Variants in CHRDL1 observed in about 807,000 individuals in gnomAD.
CHRDL1 encodes chordin like 1.
A neutral mutation model predicts 40.9 loss-of-function variants in CHRDL1; 19 were observed. That is an observed-to-expected ratio of 0.46 (90% CI 0.32 to 0.68). The LOEUF (loss-of-function observed/expected upper bound fraction) is 0.68, where lower values mean the gene tolerates loss of function less well. Ranked by LOEUF, CHRDL1 falls within the 30% of genes least tolerant of loss-of-function variation. The pLI, the probability that CHRDL1 is intolerant of heterozygous loss-of-function variation, is 0.03. For synonymous variants in CHRDL1, 136 were observed against 123.4 expected, an observed-to-expected ratio of 1.10 and a Z score of -0.68; for missense variants, 329 against 352.1, an observed-to-expected ratio of 0.93 and a Z score of 0.53.
intron 1 of CHRDL1, 147 bp from the exon 2 acceptor site, chrX:110,792,362 T>C (rs1007306301): frequency 1.6e-5 from 6 of 365,263 alleles, no homozygotes; most frequent in African/African-American, 2.7e-5. Context: ...CTGCACAAGA[T>C]AAAGGACTTG....
chrX:110,677,662 T>C (rs1484407643), intron 11 of CHRDL1, among the ~76,000 whole-genome samples: 1 of 111,759 alleles, frequency 8.9e-6, no homozygotes, highest in Non-Finnish European at 1.9e-5. Flanking sequence ...ACTCCCAACT[T>C]TTCCATTTGA....
At chrX:110,752,976 G>T (rs2089386602) in intron 4 of CHRDL1, among the ~76,000 whole-genome samples, 1 of 110,534 alleles carries the variant, frequency 9.0e-6, no homozygotes, top group Non-Finnish European at 1.9e-5. Flanking sequence ...AAAGAAGATG[G>T]GGCAACCTTA....
intron 6 of CHRDL1, among the ~76,000 whole-genome samples, chrX:110,705,304 T>TATATATATATACACACAC (rs1491498596): frequency 2.2e-4 from 17 of 77,615 alleles, no homozygotes; most frequent in African/African-American, 9.6e-4. Flanking sequence ...TATATATATA[T>TATATATATATACACACAC]ACACACACAC....
intron 4 of CHRDL1, among the ~76,000 whole-genome samples, chrX:110,730,231 TGTAGA>T (rs1273876117): frequency 8.9e-6 from 1 of 112,319 alleles, no homozygotes; most frequent in African/African-American, 3.2e-5. Context: ...TTCACAGCCC[TGTAGA>T]ACTTCTCAAA....
At position 110,697,121 on chromosome X, in the gene CHRDL1, C is replaced by A. The variant is rs193136933; in HGVS notation, c.610-2790G>T. 1.1e-3 allele frequency among the ~76,000 whole-genome samples: 117 copies of A among 111,110 alleles called. 3 individuals carry two copies. The highest frequency in any genetic ancestry group is 3.5e-3 in the African/African-American group (105 of 30,369). On this transcript the variant is annotated intron_variant, in intron 7 of 11. Transcript: ENST00000372042. The stretch of plus-strand genomic sequence containing the variant: ...TTAGAAATGACCATATAGCTATGAT[C>A]TTTTATTTTGCTCAGTATTTTGGTA...
At chrX:110,728,866 T>A (rs2071105048) in intron 4 of CHRDL1, among the ~76,000 whole-genome samples, 1 of 112,031 alleles carries the variant, frequency 8.9e-6, no homozygotes, top group Non-Finnish European at 1.9e-5. Flanking sequence ...CTGGGCACAG[T>A]GGCTCACACC....
rs2089247506 is a variant in CHRDL1 at position 110,746,194 on chromosome X, C to A, written c.301+13467G>T. ...GGCTCATTTCCCTGATCCCAGTGGT[C>A]TGAGAGGCCCCCTGCAGTACGGACA... On this transcript the variant is annotated intron_variant, in intron 4 of 11. Transcript: ENST00000372042. Among the ~76,000 whole-genome samples the A allele has an allele frequency of 2.7e-5, 3 of 111,168 alleles. No individual in the cohort carries two copies. In the South Asian group the frequency reaches 1.2e-3, roughly 43 times the overall value.
intron 6 of CHRDL1, among the ~76,000 whole-genome samples, chrX:110,704,141 G>T (rs1012806730): frequency 1.3e-4 from 14 of 111,136 alleles, no homozygotes; most frequent in African/African-American, 4.3e-4. Context: ...TGGATCATTT[G>T]TAACTTAAAA....
chrX:110,793,006 T>C (rs1423552903), intron 1 of CHRDL1, among the ~76,000 whole-genome samples: 1 of 112,341 alleles, frequency 8.9e-6, no homozygotes, highest in Non-Finnish European at 1.9e-5. Flanking sequence ...GGGGTAGAAA[T>C]CTTAAACCTT....
intron 4 of CHRDL1, among the ~76,000 whole-genome samples, chrX:110,735,027 A>AT (rs11463780): frequency 0.11 from 12,041 of 109,811 alleles, 1,676 homozygotes; most frequent in African/African-American, 0.38. Context: ...TGAGAACTAG[A>AT]TTTTTTTTTG....
At chrX:110,788,691 G>A (rs2090053134) in intron 2 of CHRDL1, among the ~76,000 whole-genome samples, 1 of 111,673 alleles carries the variant, frequency 9.0e-6, no homozygotes, top group Non-Finnish European at 1.9e-5. Flanking sequence ...TAAAAATATG[G>A]GAAATAAGAT....
At chrX:110,747,101 A>C (rs2089268440) in intron 4 of CHRDL1, among the ~76,000 whole-genome samples, 1 of 110,299 alleles carries the variant, frequency 9.1e-6, no homozygotes, top group Admixed American at 9.7e-5. Context: ...GAAGGCAGGC[A>C]TACTCCACAG....
At chrX:110,720,099 C>T (rs1460604314) in intron 5 of CHRDL1, among the ~76,000 whole-genome samples, 171 bp from the exon 6 acceptor site, 1 of 110,723 alleles carries the variant, frequency 9.0e-6, no homozygotes, top group Admixed American at 9.6e-5. Flanking sequence ...TTTTTTTTCT[C>T]CTACAATTCC....
chrX:110,774,121 G>A (rs1242985280), intron 2 of CHRDL1, among the ~76,000 whole-genome samples: 2 of 111,323 alleles, frequency 1.8e-5, no homozygotes, highest in African/African-American at 3.3e-5. Flanking sequence ...AATATGTAAT[G>A]CCCCCCATTT....
intron 4 of CHRDL1, among the ~76,000 whole-genome samples, chrX:110,756,207 G>A (rs2089449778): frequency 8.9e-6 from 1 of 111,904 alleles, no homozygotes; most frequent in Non-Finnish European, 1.9e-5. Flanking sequence ...AATAAAACGT[G>A]AAAACTGCAA....
intron 6 of CHRDL1, among the ~76,000 whole-genome samples, chrX:110,719,140 T>C (rs150127577): frequency 9.9e-5 from 11 of 111,232 alleles, no homozygotes; most frequent in African/African-American, 3.6e-4. Flanking sequence ...AATAAGGATA[T>C]TGCCAGTGGG....
At chrX:110,768,849 T>C (rs1403224037) in intron 2 of CHRDL1, among the ~76,000 whole-genome samples, 2 of 111,079 alleles carry the variant, frequency 1.8e-5, no homozygotes. Flanking sequence ...CACCTTGTGA[T>C]CGTGTGAGTC....
intron 2 of CHRDL1, among the ~76,000 whole-genome samples, chrX:110,773,818 G>A (rs938013091): frequency 1.8e-5 from 2 of 109,643 alleles, no homozygotes; most frequent in Non-Finnish European, 3.8e-5. Context: ...CTATTTTGGC[G>A]AATGTTCCAT....
chrX:110,777,143 T>C (rs1230069449), intron 2 of CHRDL1, among the ~76,000 whole-genome samples: 1 of 111,448 alleles, frequency 9.0e-6, no homozygotes, highest in African/African-American at 3.3e-5. Flanking sequence ...AATATGCATT[T>C]ACATTTCCTC....
Sources: allele counts gnomAD v4.1 joint callset (sites outside exome capture counted in the v4.1 genomes callset), GRCh38; gene constraint gnomAD v4.1.1; transcripts MANE v1.5; gene names NCBI Gene and HGNC (gene_info 2026-07-23, HGNC 2026-07-21).